GLDC: variants seen among roughly 807,000 people sequenced by gnomAD.
GLDC encodes glycine decarboxylase.
GLDC carries 104 observed loss-of-function variants against 121.3 expected under a neutral mutation model. The ratio of observed to expected loss-of-function variants is 0.86; its 90% CI spans 0.73 to 1.01. The LOEUF (loss-of-function observed/expected upper bound fraction) is 1.01, where lower values mean the gene tolerates loss of function less well. Among genes scored for constraint, GLDC ranks in the 50% least tolerant of loss-of-function variants. The pLI is 0.00. For missense variants in GLDC, 1,429 were observed against 1,306.6 expected (o/e 1.09, Z -1.44); for synonymous variants, 546 against 480.6 (o/e 1.14, Z -1.78).
At chr9:6,566,101 G>A (rs1817850243) in intron 15 of GLDC, among the ~76,000 whole-genome samples, 1 of 152,110 alleles carries the variant, frequency 6.6e-6, no homozygotes, top group African/African-American at 2.4e-5. Context: ...AAATTAGCCT[G>A]GTGTGATAGC....
rs1165213620 is a variant in GLDC, at chr9:6,606,573, C to T, written c.713+19G>A. The T allele has an allele frequency of 2.1e-6, 3 of 1,450,774 alleles. No homozygotes were observed. The African/African-American group carries it at 4.2e-5, about 20-fold the overall frequency. The allele number at this position is 1,450,774 out of a possible 1,614,324, so 89.9% of individuals were successfully genotyped here. On this transcript the variant is annotated intron_variant, in intron 5 of 24. Coordinates refer to ENST00000321612, the MANE Select transcript of GLDC (RefSeq NM_000170.3). Reference sequence around the variant, plus strand: ...ACATGACATTATACTGAGTTTAAAACACGAATCAAATTAATTACTTGGCTC... The same window carrying T: ...ACATGACATTATACTGAGTTTAAAATACGAATCAAATTAATTACTTGGCTC...
chr9:6,546,721 G>A (rs1225859634), intron 21 of GLDC, among the ~76,000 whole-genome samples: 1 of 151,900 alleles, frequency 6.6e-6, no homozygotes, highest in Non-Finnish European at 1.5e-5. Context: ...CAGCATTTGG[G>A]GAGGCCAAGG....
chr9:6,584,272 CCTG>C (rs1818222923), intron 15 of GLDC, among the ~76,000 whole-genome samples: 1 of 152,190 alleles, frequency 6.6e-6, no homozygotes, highest in Admixed American at 6.5e-5. Flanking sequence ...TGTGACTGCA[CCTG>C]CTATTTTGAG....
At chr9:6,558,755 T>C in intron 16 of GLDC, 71 bp from the exon 17 acceptor site, 2 of 1,525,406 alleles carry the variant, frequency 1.3e-6, no homozygotes, top group Middle Eastern at 1.7e-4. Context: ...AGAAAAGTAC[T>C]ACAACATGCT....
chr9:6,635,023 C>G (rs980443662), intron 2 of GLDC, among the ~76,000 whole-genome samples: 3 of 152,330 alleles, frequency 2.0e-5, no homozygotes, highest in African/African-American at 7.2e-5. Context: ...ATCTAACATT[C>G]TAACCACATG....
At chr9:6,612,447 A>G (rs962604524) in intron 3 of GLDC, among the ~76,000 whole-genome samples, 1 of 152,128 alleles carries the variant, frequency 6.6e-6, no homozygotes, top group Admixed American at 6.6e-5. Context: ...AGAAAAGTAG[A>G]TGGAGGCTGG....
chr9:6,588,578 G>C (rs1279904891), intron 13 of GLDC, 40 bp downstream of exon 13: 3 of 1,506,966 alleles, frequency 2.0e-6, no homozygotes, highest in Non-Finnish European at 2.8e-6. Flanking sequence ...CGTGGGATTG[G>C]GGTAGCTTGG....
chr9:6,588,694 G>C lies in GLDC; in HGVS notation c.1589C>G (p.Ser530Cys). The C allele has an allele frequency of 6.2e-7, 1 of 1,611,242 alleles. No homozygotes were observed. Among genetic ancestry groups the C allele is most frequent in the Non-Finnish European group, 8.5e-7 (1 of 1,177,368 alleles). The change falls in exon 13 of 25, where the codon TCT becomes TGT. Residue 530 changes from serine (S) to cysteine (C), a missense_variant. Transcript: ENST00000321612. ...CATGTACCGGACAATGTTTGTTTCAGAGTGGTAGCTGTGAACACAAAACAC... is the reference window on the plus strand; with the variant it reads ...CATGTACCGGACAATGTTTGTTTCACAGTGGTAGCTGTGAACACAAAACAC... ...LTHQVFNSYH[S>C]ETNIVRYMKK...
intron 2 of GLDC, among the ~76,000 whole-genome samples, chr9:6,622,371 G>T (rs905018435): frequency 6.7e-6 from 1 of 149,044 alleles, no homozygotes; most frequent in African/African-American, 2.5e-5. Context: ...CCTGACGAGT[G>T]CCTGCGATTG....
At chr9:6,631,278 G>A (rs66771578) in intron 2 of GLDC, among the ~76,000 whole-genome samples, 3,400 of 152,258 alleles carry the variant, frequency 0.022, 54 homozygotes, top group Non-Finnish European at 0.035. Context: ...GAGCTGAGGC[G>A]TGTCCCATCT....
At chr9:6,639,387 C>T (rs1819579499) in intron 2 of GLDC, 2 of 870,592 alleles carry the variant, frequency 2.3e-6, no homozygotes, top group Non-Finnish European at 3.6e-6. Flanking sequence ...TTACGCTGAC[C>T]ACTGAGTCGC....
intron 15 of GLDC, among the ~76,000 whole-genome samples, chr9:6,578,712 T>C (rs994506506): frequency 2.0e-5 from 3 of 152,016 alleles, no homozygotes; most frequent in African/African-American, 7.2e-5. Flanking sequence ...GCTAATTTTT[T>C]TGGAGAGATG....
chr9:6,619,742 C>T (rs960903897), intron 3 of GLDC, among the ~76,000 whole-genome samples: 4 of 151,964 alleles, frequency 2.6e-5, no homozygotes, highest in East Asian at 1.9e-4. Flanking sequence ...GGGTGGTAGG[C>T]GGGGAATCCT....
In GLDC at chr9:6,589,256, C is replaced by G. The variant is rs1229101372; in HGVS notation, c.1519G>C (p.Gly507Arg). The G allele has an allele frequency of 6.2e-7, 1 of 1,610,270 alleles. No homozygotes were observed. Among genetic ancestry groups the G allele is most frequent in the East Asian group, 2.2e-5 (1 of 44,868 alleles). ...VAESMGEECR[G>R]IPGSVFKRTS... ...CTCTTGAACACAGACCCTGGAATAC[C>G]TCTGCACTCCTCTCCCATGCTTTCA... is the stretch of plus-strand genomic sequence containing the variant. Residue 507 changes from glycine to arginine, a missense_variant, in exon 12 of 25, where the codon GGT becomes CGT. Coordinates refer to ENST00000321612, the MANE Select transcript of GLDC (RefSeq NM_000170.3).
At chr9:6,556,081 T>C (rs2129725526) in intron 18 of GLDC, 72 bp downstream of exon 18, 2 of 1,347,586 alleles carry the variant, frequency 1.5e-6, no homozygotes, top group South Asian at 2.4e-5. Flanking sequence ...TCTCAAGAAG[T>C]CAGAATTTTT....
In GLDC at chr9:6,611,555, C is replaced by CAA. The variant is rs34302796; in HGVS notation, c.471-1201_471-1200dup. On this transcript the variant is annotated intron_variant, in intron 3 of 24. Coordinates refer to ENST00000321612, the MANE Select transcript of GLDC (RefSeq NM_000170.3). ...TGGGCAACAGAGCAAGACTCCGTCT[C>CAA]AAAAAAAAAAAAAAAATTAGTACAT... Among the ~76,000 whole-genome samples the CAA allele has an allele frequency of 7.7e-3, 1,087 of 141,020 alleles. 15 individuals are homozygous for CAA. Among genetic ancestry groups the CAA allele is most frequent in the Middle Eastern group, 0.025 (7 of 276 alleles). 92.5% of individuals were successfully genotyped at this position (141,020 alleles called of 152,430 possible). A position where few individuals can be genotyped will look rare whatever the true frequency, so the allele number is the denominator to read the frequency against.
intron 3 of GLDC, among the ~76,000 whole-genome samples, chr9:6,615,386 T>C (rs1053642241): frequency 6.6e-6 from 1 of 150,762 alleles, no homozygotes; most frequent in Non-Finnish European, 1.5e-5. Context: ...AAGATCAGCC[T>C]GGGCAACACA....
intron 20 of GLDC, among the ~76,000 whole-genome samples, chr9:6,551,453 C>CT (rs1817512635): frequency 6.6e-6 from 1 of 152,194 alleles, no homozygotes; most frequent in South Asian, 2.1e-4. Context: ...CTGCAAAGAG[C>CT]TTCAAATCAA....
intron 15 of GLDC, among the ~76,000 whole-genome samples, chr9:6,571,854 C>T (rs1399727528): frequency 2.6e-5 from 4 of 152,140 alleles, no homozygotes; most frequent in African/African-American, 9.7e-5. Flanking sequence ...ACAGAGATCA[C>T]ACATAGATCA....
Sources: allele counts gnomAD v4.1 joint callset (sites outside exome capture counted in the v4.1 genomes callset), GRCh38; gene constraint gnomAD v4.1.1; transcripts MANE v1.5; gene names NCBI Gene and HGNC (gene_info 2026-07-23, HGNC 2026-07-21).